Variants in AHRR observed in about 807,000 individuals in gnomAD.
AHRR encodes the protein aryl hydrocarbon receptor repressor, also known as ahR repressor.
A neutral mutation model predicts 44.0 loss-of-function variants in AHRR; 28 were observed. The observed-to-expected ratio is 0.64, with a 90% CI of 0.47 to 0.87. The LOEUF (loss-of-function observed/expected upper bound fraction) is 0.87. Among genes scored for constraint, AHRR ranks in the 40% least tolerant of loss-of-function variants. The pLI is 0.00. For synonymous variants in AHRR, 434 were observed against 407.0 expected (o/e 1.07, Z -0.80); for missense variants, 990 against 953.9 (o/e 1.04, Z -0.50).
intron 3 of AHRR, among the ~76,000 whole-genome samples, chr5:372,586 C>T (rs1020264031): frequency 3.9e-5 from 6 of 152,064 alleles, no homozygotes; most frequent in African/African-American, 1.2e-4. Context: ...AAACTTCAGC[C>T]GCAGTCGCTG....
intron 4 of AHRR, among the ~76,000 whole-genome samples, chr5:401,763 G>A (rs1424193579): frequency 2.6e-5 from 4 of 152,180 alleles, no homozygotes; most frequent in African/African-American, 7.2e-5. Flanking sequence ...GCAAAGTGTC[G>A]TGAAGTGATT....
intron 4 of AHRR, among the ~76,000 whole-genome samples, chr5:398,516 CCCCTGCT>C (rs1413810558): frequency 6.6e-6 from 1 of 152,230 alleles, no homozygotes; most frequent in Non-Finnish European, 1.5e-5. Context: ...GTTCACTCGG[CCCCTGCT>C]CTGCCCTCGG....
chr5:328,461 G>A (rs1487611438), intron 1 of AHRR, among the ~76,000 whole-genome samples: 1 of 151,778 alleles, frequency 6.6e-6, no homozygotes, highest in African/African-American at 2.4e-5. Flanking sequence ...ATGTTGGTCA[G>A]GCTGGTCTCC....
chr5:432,740 C>A (rs1027957954), intron 9 of AHRR, 66 bp from the exon 10 acceptor site: 7 of 1,612,490 alleles, frequency 4.3e-6, no homozygotes, highest in Non-Finnish European at 5.9e-6. Context: ...TGAGAACAAG[C>A]AACCGTCTTC....
chr5:380,957 A>T (rs1347356227), intron 4 of AHRR, among the ~76,000 whole-genome samples: 2 of 152,250 alleles, frequency 1.3e-5, no homozygotes, highest in Non-Finnish European at 2.9e-5. Flanking sequence ...CTCCTAGCTC[A>T]AGGCCAAAGG....
intron 5 of AHRR, among the ~76,000 whole-genome samples, chr5:420,563 A>G (rs559487929): frequency 6.6e-6 from 1 of 152,362 alleles, no homozygotes; most frequent in East Asian, 1.9e-4. Context: ...TCAGGGCATG[A>G]TGGAAGTTTC....
At chr5:344,498 G>T (rs1226296099) in intron 2 of AHRR, among the ~76,000 whole-genome samples, 2 of 3,252 alleles carry the variant, frequency 6.2e-4, no homozygotes, top group Non-Finnish European at 1.3e-3. Context: ...AGCTGTGTGT[G>T]TGTGGGTGTG....
intron 4 of AHRR, among the ~76,000 whole-genome samples, chr5:402,834 G>C (rs1037952872): frequency 2.0e-5 from 3 of 152,180 alleles, no homozygotes; most frequent in East Asian, 1.9e-4. Flanking sequence ...AAAATGCTCT[G>C]TGTATACACC....
At chr5:389,085 A>T (rs997376381) in intron 4 of AHRR, among the ~76,000 whole-genome samples, 4 of 151,324 alleles carry the variant, frequency 2.6e-5, no homozygotes, top group African/African-American at 9.7e-5. Context: ...CTCTCTCCTC[A>T]GGGAGACCAT....
At chr5:360,875 G>A (rs1438436430) in intron 3 of AHRR, among the ~76,000 whole-genome samples, 1 of 152,172 alleles carries the variant, frequency 6.6e-6, no homozygotes, top group Non-Finnish European at 1.5e-5. Flanking sequence ...TCAGAGGAGA[G>A]AGATACATGG....
At position 427,942 on chromosome 5, in the gene AHRR, A is replaced by C. The variant is rs1382506741; in HGVS notation, c.844A>C (p.Lys282Gln). The C allele has an allele frequency of 1.2e-6, 2 of 1,614,044 alleles. No individual in the cohort carries two copies. Among genetic ancestry groups the C allele is most frequent in the Admixed American group, 1.7e-5 (1 of 60,032 alleles). Residue 282 changes from lysine (K) to glutamine (Q), a missense_variant, in exon 8 of 11, where the codon AAA becomes CAA. Coordinates refer to ENST00000684583, the MANE Select transcript of AHRR (RefSeq NM_001377236.1). ...PVLLPSAAEM[K>Q]MRSALLRAKP... Reference sequence around the variant, plus strand: ...TCTCCTCCCCTCCGCAGCGGAGATGAAAATGAGGAGCGCGCTCCTGAGGGC... The same window carrying C: ...TCTCCTCCCCTCCGCAGCGGAGATGCAAATGAGGAGCGCGCTCCTGAGGGC...
chr5:373,753 T>G (rs1444164256), intron 3 of AHRR, among the ~76,000 whole-genome samples: 1 of 151,406 alleles, frequency 6.6e-6, no homozygotes, highest in African/African-American at 2.4e-5. Flanking sequence ...CCGCCCCGTG[T>G]GCACCCGGAG....
chr5:399,105 G>A (rs1422113537), intron 4 of AHRR, among the ~76,000 whole-genome samples: 3 of 152,226 alleles, frequency 2.0e-5, no homozygotes, highest in Non-Finnish European at 2.9e-5. Flanking sequence ...CTGGGTCAGC[G>A]CGGAGCTCCC....
intron 3 of AHRR, among the ~76,000 whole-genome samples, chr5:360,394 C>T (rs888484412): frequency 2.6e-5 from 4 of 152,200 alleles, no homozygotes; most frequent in African/African-American, 9.7e-5. Context: ...TATAAGCAGC[C>T]CAGGCAGAGA....
At chr5:372,767 G>A (rs891104294) in intron 3 of AHRR, among the ~76,000 whole-genome samples, 1 of 152,176 alleles carries the variant, frequency 6.6e-6, no homozygotes, top group African/African-American at 2.4e-5. Flanking sequence ...TCACCCAGAC[G>A]CACAGCTGGA....
intron 8 of AHRR, 74 bp downstream of exon 8, chr5:428,080 T>G: frequency 1.4e-6 from 2 of 1,463,982 alleles, no homozygotes; most frequent in Non-Finnish European, 1.9e-6. Flanking sequence ...ACACTCAGTG[T>G]TTTCTGTGTC....
At chr5:352,065 C>T (rs1742875506) in intron 2 of AHRR, among the ~76,000 whole-genome samples, 2 of 152,398 alleles carry the variant, frequency 1.3e-5, no homozygotes, top group South Asian at 4.1e-4. Flanking sequence ...GGCCCCTGCT[C>T]AGTCTCCCCA....
chr5:404,115 G>T lies in AHRR; in HGVS notation c.352-9229G>T. 1 of 573,912 alleles carries T rather than the reference G, an allele frequency of 1.7e-6. No individual in the cohort carries two copies. 35.6% of individuals were successfully genotyped at this position (573,912 alleles called of 1,614,324 possible). On this transcript the variant is annotated intron_variant, in intron 4 of 10. Transcript: ENST00000684583. The surrounding 1 kb of genome is among the most constrained non-coding windows in gnomAD (Gnocchi z 4.1). ...CCGTTGTCAGGGTTGGTCCAGGTTTGGGGTTACCCTTCTCCGTCTCTCTCA... is the reference window on the plus strand; with the variant it reads ...CCGTTGTCAGGGTTGGTCCAGGTTTTGGGTTACCCTTCTCCGTCTCTCTCA...
chr5:328,237 C>A (rs111646826), intron 1 of AHRR, among the ~76,000 whole-genome samples: 6,682 of 145,644 alleles, frequency 0.046, 204 homozygotes, highest in South Asian at 0.062. Flanking sequence ...CTTTTCTCTG[C>A]ATCCTCACCA....
Sources: allele counts gnomAD v4.1 joint callset (sites outside exome capture counted in the v4.1 genomes callset), GRCh38; gene constraint gnomAD v4.1.1; non-coding constraint Gnocchi (gnomAD v3.1); transcripts MANE v1.5; gene names NCBI Gene and HGNC (gene_info 2026-07-23, HGNC 2026-07-21).